ASTN2: variants seen among roughly 807,000 people sequenced by gnomAD.
The protein encoded by ASTN2 is astrotactin 2.
Under a neutral mutation model 139.8 loss-of-function variants are expected in ASTN2, and 54 were observed. The observed-to-expected ratio is 0.39, with a 90% CI of 0.31 to 0.48. ASTN2 has a LOEUF of 0.48. Among genes scored for constraint, ASTN2 ranks in the 20% least tolerant of loss-of-function variants. The pLI, the probability that ASTN2 is intolerant of heterozygous loss-of-function variation, is 0.95. For synonymous variants in ASTN2, 756 were observed against 719.5 expected, an observed-to-expected ratio of 1.05 and a Z score of -0.81; for missense variants, 1,565 against 1,725.1, an observed-to-expected ratio of 0.91 and a Z score of 1.64.
chr9:116,759,886 C>T (rs756937634), intron 13 of ASTN2, among the ~76,000 whole-genome samples: 6 of 152,082 alleles, frequency 3.9e-5, no homozygotes, highest in East Asian at 1.9e-4. Flanking sequence ...CTGCTCAGCA[C>T]GTATTTATGA....
At position 116,932,763 on chromosome 9, in the gene ASTN2, T is replaced by C. The variant is rs915598454; in HGVS notation, c.1889+42445A>G. Among the ~76,000 whole-genome samples, 31 of 152,020 alleles carry C rather than the reference T, an allele frequency of 2.0e-4. 1 individual carries two copies. The highest frequency in any genetic ancestry group is 6.0e-4 in the African/African-American group (25 of 41,410). On this transcript the variant is annotated intron_variant, in intron 10 of 22. Coordinates refer to ENST00000313400, the MANE Select transcript of ASTN2 (RefSeq NM_001365068.1). Reference sequence around the variant, plus strand: ...GCTCACACCTGTACTTCCAGCACTTTGAGAGGCCACGGCGGGTGGATCACT... The same window carrying C: ...GCTCACACCTGTACTTCCAGCACTTCGAGAGGCCACGGCGGGTGGATCACT...
intron 19 of ASTN2, among the ~76,000 whole-genome samples, chr9:116,547,094 T>C (rs553523385): frequency 1.3e-5 from 2 of 152,304 alleles, no homozygotes; most frequent in South Asian, 4.1e-4. Flanking sequence ...TATTTTTTTC[T>C]CCCTCCCCTT....
chr9:117,381,912 A>C (rs1401160723), intron 1 of ASTN2, among the ~76,000 whole-genome samples: 1 of 152,196 alleles, frequency 6.6e-6, no homozygotes, highest in African/African-American at 2.4e-5. Flanking sequence ...TGGTCACAAG[A>C]AAGTATATGT....
intron 10 of ASTN2, among the ~76,000 whole-genome samples, chr9:116,893,424 T>A (rs1833811144): frequency 6.6e-6 from 1 of 152,182 alleles, no homozygotes; most frequent in Admixed American, 6.5e-5. Flanking sequence ...TGCAGGTGCC[T>A]AAGATTCTGC....
chr9:117,340,535 G>A (rs1829035565), intron 1 of ASTN2, among the ~76,000 whole-genome samples: 1 of 151,910 alleles, frequency 6.6e-6, no homozygotes, highest in South Asian at 2.1e-4. Flanking sequence ...AGACCTGTGG[G>A]GGGAATGAAG....
chr9:117,377,952 A>G (rs920306973), intron 1 of ASTN2, among the ~76,000 whole-genome samples: 5 of 152,226 alleles, frequency 3.3e-5, no homozygotes, highest in African/African-American at 1.2e-4. Flanking sequence ...ATAAGTGAGA[A>G]GAATAAACAC....
chr9:116,634,589 CAAAAAAAAAAAA>C (rs57882262), intron 17 of ASTN2, among the ~76,000 whole-genome samples: 26 of 104,208 alleles, frequency 2.5e-4, no homozygotes, highest in South Asian at 5.5e-4. Flanking sequence ...GACTCCGTCT[CAAAAAAAAAAAA>C]AAAAAAAAAA....
At chr9:117,301,271 C>A (rs79079636) in intron 1 of ASTN2, among the ~76,000 whole-genome samples, 8,789 of 152,172 alleles carry the variant, frequency 0.058, 880 homozygotes, top group African/African-American at 0.2. Flanking sequence ...TTTAAAAACA[C>A]AGCCCAATGT....
chr9:116,707,285 C>CA (rs766053427), intron 16 of ASTN2, among the ~76,000 whole-genome samples: 4,152 of 60,494 alleles, frequency 0.069, 461 homozygotes, highest in African/African-American at 0.12. Flanking sequence ...GCCCCCTGAC[C>CA]AAAAAAAAAA....
chr9:116,778,986 CTAT>C (rs1441855259), intron 13 of ASTN2, among the ~76,000 whole-genome samples: 1 of 152,152 alleles, frequency 6.6e-6, no homozygotes, highest in Non-Finnish European at 1.5e-5. Context: ...TGGCTAATTA[CTAT>C]TATGATTGTG....
chr9:116,826,917 A>G (rs1442838900), intron 11 of ASTN2, among the ~76,000 whole-genome samples: 2 of 152,208 alleles, frequency 1.3e-5, no homozygotes, highest in African/African-American at 2.4e-5. Flanking sequence ...CAACATGTGT[A>G]TTATACAGCA....
chr9:116,530,424 T>C (rs1851295322), intron 19 of ASTN2, among the ~76,000 whole-genome samples: 1 of 151,754 alleles, frequency 6.6e-6, no homozygotes, highest in Admixed American at 6.6e-5. Flanking sequence ...TTGTACATCA[T>C]GGTGACTATA....
chr9:116,515,718 T>C (rs991556210), intron 19 of ASTN2, among the ~76,000 whole-genome samples: 1 of 152,220 alleles, frequency 6.6e-6, no homozygotes, highest in African/African-American at 2.4e-5. Flanking sequence ...TTGTGGCTCC[T>C]ACATGCAGGC....
chr9:116,855,109 A>G (rs1832706131), intron 11 of ASTN2, among the ~76,000 whole-genome samples: 1 of 152,182 alleles, frequency 6.6e-6, no homozygotes, highest in East Asian at 1.9e-4. Flanking sequence ...AGCAAATCCA[A>G]GTCCCAACGA....
In ASTN2 at chr9:116,778,151, A is replaced by G. The variant is rs553102821; in HGVS notation, c.2396+27481T>C. ...CTGGCCTGTAAATTGCATTTCTAATAAGCTCCCAAGTGACGTCTATGCTGT... is the reference window on the plus strand; with the variant it reads ...CTGGCCTGTAAATTGCATTTCTAATGAGCTCCCAAGTGACGTCTATGCTGT... On this transcript the variant is annotated intron_variant, in intron 13 of 22. Transcript: ENST00000313400. Among the ~76,000 whole-genome samples the G allele has an allele frequency of 2.6e-5, 4 of 152,134 alleles. No individual in the cohort carries two copies. In the South Asian group the frequency reaches 8.3e-4, roughly 32 times the overall value.
chr9:117,136,811 C>G (rs769967036), intron 4 of ASTN2, among the ~76,000 whole-genome samples: 2 of 152,112 alleles, frequency 1.3e-5, no homozygotes, highest in Admixed American at 1.3e-4. Flanking sequence ...GAGGGTTGAA[C>G]GTGGGACAGG....
intron 6 of ASTN2, among the ~76,000 whole-genome samples, chr9:117,011,898 G>A (rs928320954): frequency 6.6e-6 from 1 of 152,132 alleles, no homozygotes; most frequent in Non-Finnish European, 1.5e-5. Context: ...TTGGTCAGTT[G>A]CTTTTTATGG....
At chr9:116,981,274 A>G (rs908700607) in intron 7 of ASTN2, among the ~76,000 whole-genome samples, 4 of 152,190 alleles carry the variant, frequency 2.6e-5, no homozygotes, top group Non-Finnish European at 5.9e-5. Flanking sequence ...TATTGAATGA[A>G]TGAATGAATG....
rs16934517 is a variant in ASTN2 at position 117,330,241 on chromosome 9, C to G, written c.443-38728G>C. On this transcript the variant is annotated intron_variant, in intron 1 of 22. Transcript: ENST00000313400. Reference sequence around the variant, plus strand: ...ATAATGCCAAAGAGGGAACAATTCTCAGGCCTAACTCCTGCTCATTTTCAC... The same window carrying G: ...ATAATGCCAAAGAGGGAACAATTCTGAGGCCTAACTCCTGCTCATTTTCAC... Among the ~76,000 whole-genome samples, 1,418 of 152,328 alleles carry G rather than the reference C, an allele frequency of 9.3e-3. 21 individuals are homozygous for G. Among genetic ancestry groups the G allele is most frequent in the African/African-American group, 0.032 (1,347 of 41,576 alleles).
Sources: allele counts gnomAD v4.1 joint callset (sites outside exome capture counted in the v4.1 genomes callset), GRCh38; gene constraint gnomAD v4.1.1; transcripts MANE v1.5; gene names NCBI Gene and HGNC (gene_info 2026-07-23, HGNC 2026-07-21).